Variants in KCNA3 observed in about 807,000 individuals in gnomAD.
KCNA3 encodes RP11-284N8.3.
A neutral mutation model predicts 34.3 loss-of-function variants in KCNA3; 18 were observed. That is an observed-to-expected ratio of 0.52 (90% CI 0.36 to 0.78). The LOEUF (loss-of-function observed/expected upper bound fraction) is 0.78, where lower values mean the gene tolerates loss of function less well. Ranked by LOEUF, KCNA3 falls within the 30% of genes least tolerant of loss-of-function variation. The pLI, the probability that KCNA3 is intolerant of heterozygous loss-of-function variation, is 0.00. For synonymous variants in KCNA3, 324 were observed against 351.7 expected (o/e 0.92, Z 0.88); for missense variants, 587 against 802.5 (o/e 0.73, Z 3.24).
At chr1:110,661,773 G>A in the KCNA3 span, among the ~76,000 whole-genome samples, 2 of 152,046 alleles carry the variant, frequency 1.3e-5, no homozygotes, top group African/African-American at 4.8e-5. Flanking sequence ...GGAGGGGGTG[G>A]TAATTCAACG....
Position 110,673,055 on chromosome 1 carries a change from A to C in KCNA3, c.*27T>G. On this transcript the variant is annotated 3_prime_UTR_variant, in exon 1 of 1. Coordinates refer to ENST00000369769, the MANE Select transcript of KCNA3 (RefSeq NM_002232.5). This position sits in a 1 kb window ranked among gnomAD's most constrained non-coding sequence, Gnocchi z 8.8. The stretch of plus-strand genomic sequence containing the variant: ...AGGGGGCACGTTCCACACAATACTG[A>C]GCACAGCATGTCACTTGTATCACAT... 6.3e-7 allele frequency: 1 copy of C among 1,584,192 alleles called. No individual in the cohort carries two copies. Among genetic ancestry groups the C allele is most frequent in the Non-Finnish European group, 8.6e-7 (1 of 1,163,948 alleles).
In KCNA3 at chr1:110,673,755, C is replaced by T; in HGVS notation, c.1055G>A (p.Gly352Asp). 1.9e-6 allele frequency: 3 copies of T among 1,614,136 alleles called. No homozygotes were observed. The highest frequency in any genetic ancestry group is 2.2e-5 in the South Asian group (2 of 91,076). The change falls in exon 1 of 1, where the codon GGC becomes GAC. Residue 352 changes from glycine (G) to aspartate (D), a missense_variant. By Grantham distance (94) the Gly-to-Asp change is moderately conservative (BLOSUM62 -1). This residue lies in a region of KCNA3 where 84 missense variants were observed against 223.1 expected (regional missense o/e 0.38). Coordinates refer to ENST00000369769, the MANE Select transcript of KCNA3 (RefSeq NM_002232.5). This position sits in a 1 kb window ranked among gnomAD's most constrained non-coding sequence, Gnocchi z 8.8. ...CAGAGACATGGCCTGCTGTCCATTG[C>T]CCTGTCGTTCGGCCAGCTCGGTACC... ...TLGTELAERQGNGQQAMSLAI... is the reference protein window; with the variant it reads ...TLGTELAERQDNGQQAMSLAI...
chr1:110,661,062 AGCTATAAACCCAGAT>A, the KCNA3 span, among the ~76,000 whole-genome samples: 1 of 152,240 alleles, frequency 6.6e-6, no homozygotes, highest in Non-Finnish European at 1.5e-5. Flanking sequence ...AAATAAACCC[AGCTATAAACCCAGAT>A]GCTATAAACC....
chr1:110,653,988 T>G, the KCNA3 span: 1 of 152,198 alleles, frequency 6.6e-6, no homozygotes, highest in African/African-American at 2.4e-5. Flanking sequence ...CACAGTAACA[T>G]TGCATTGCTA....
At position 110,674,167 on chromosome 1, in the gene KCNA3, C is replaced by G. The variant is rs768152580; in HGVS notation, c.643G>C (p.Asp215His). The G allele has an allele frequency of 9.9e-6, 16 of 1,611,902 alleles. No individual in the cohort carries two copies. Among genetic ancestry groups the G allele is most frequent in the Non-Finnish European group, 1.4e-5 (16 of 1,178,786 alleles). ...REEERPLPRR[D>H]FQRQVWLLFE... ...AGCAGCCACACCTGGCGCTGGAAGT[C>G]GCGGCGGGGCAAGGGCCGCTCCTCC... The change falls in exon 1 of 1, where the codon GAC becomes CAC. Residue 215 changes from aspartate to histidine, a missense_variant. Around this residue, in one of 7 missense-constraint regions of KCNA3, gnomAD observed 341 missense variants for 355.4 expected, o/e 0.96. Transcript: ENST00000369769. This position sits in a 1 kb window ranked among gnomAD's most constrained non-coding sequence, Gnocchi z 6.4.
downstream of KCNA3, among the ~76,000 whole-genome samples, chr1:110,671,484 G>A (rs12408917): frequency 5.3e-5 from 8 of 152,142 alleles, no homozygotes; most frequent in Admixed American, 5.2e-4. Flanking sequence ...ACCTGATTCT[G>A]TCTGTCTTCT....
the KCNA3 span, among the ~76,000 whole-genome samples, chr1:110,662,665 C>T: frequency 6.6e-6 from 1 of 152,054 alleles, no homozygotes; most frequent in East Asian, 1.9e-4. Flanking sequence ...TCTCAGCAAG[C>T]AAAAACCTTT....
chr1:110,660,717 G>A, the KCNA3 span, among the ~76,000 whole-genome samples: 21 of 152,128 alleles, frequency 1.4e-4, no homozygotes, highest in Non-Finnish European at 2.4e-4. Context: ...ACCAGGACAA[G>A]AAATAAAGGT....
chr1:110,658,404 GA>G, the KCNA3 span, among the ~76,000 whole-genome samples: 1 of 152,004 alleles, frequency 6.6e-6, no homozygotes, highest in African/African-American at 2.4e-5. Context: ...GGTATATTTT[GA>G]AACTAAAATA....
At position 110,673,488 on chromosome 1, in the gene KCNA3, G is replaced by T. The variant is rs1178247805; in HGVS notation, c.1322C>A (p.Thr441Asn). The T allele has an allele frequency of 6.2e-7, 1 of 1,614,162 alleles. No homozygotes were observed. The highest frequency in any genetic ancestry group is 1.1e-5 in the South Asian group (1 of 91,084). ...IPDAFWWAVV[T>N]MTTVGYGDMH... Reference sequence around the variant, plus strand: ...ATCGCCGTAACCCACTGTTGTCATGGTTACCACTGCCCACCAGAAGGCATC... The same window carrying T: ...ATCGCCGTAACCCACTGTTGTCATGTTTACCACTGCCCACCAGAAGGCATC... Residue 441 changes from threonine to asparagine, a missense_variant, in exon 1 of 1, where the codon ACC (threonine) becomes AAC (asparagine). Thr to Asn is a moderately conservative substitution (Grantham distance 65). Transcript: ENST00000369769. The surrounding 1 kb of genome is among the most constrained non-coding windows in gnomAD (Gnocchi z 8.8).
chr1:110,657,237 G>A, the KCNA3 span, among the ~76,000 whole-genome samples: 2 of 151,858 alleles, frequency 1.3e-5, no homozygotes, highest in African/African-American at 4.8e-5. Context: ...AGTGGAGTTG[G>A]GGTTTCACTA....
chr1:110,655,451 A>G, the KCNA3 span: 1 of 152,010 alleles, frequency 6.6e-6, no homozygotes, highest in African/African-American at 2.4e-5. Context: ...CAGTTCACAA[A>G]TTGTTGTAAG....
downstream of KCNA3, among the ~76,000 whole-genome samples, chr1:110,669,058 C>T (rs967000528): frequency 6.6e-6 from 1 of 152,140 alleles, no homozygotes; most frequent in Non-Finnish European, 1.5e-5. Context: ...CCTTAAAGAT[C>T]CATGGAGTGG....
chr1:110,664,792 G>A, the KCNA3 span, among the ~76,000 whole-genome samples: 1 of 152,186 alleles, frequency 6.6e-6, no homozygotes, highest in Non-Finnish European at 1.5e-5. Flanking sequence ...AAAATAAGAA[G>A]AGAAAGGATA....
At chr1:110,665,667 C>A in the KCNA3 span, among the ~76,000 whole-genome samples, 1 of 151,978 alleles carries the variant, frequency 6.6e-6, no homozygotes, top group African/African-American at 2.4e-5. Context: ...TAATTTAAAG[C>A]TATGAGAATA....
chr1:110,669,714 A>T (rs1461165150), downstream of KCNA3, among the ~76,000 whole-genome samples: 1 of 152,208 alleles, frequency 6.6e-6, no homozygotes, highest in African/African-American at 2.4e-5. Flanking sequence ...TAGGGAAATC[A>T]CTTAACTTTA....
chr1:110,656,670 G>C, the KCNA3 span: 5 of 152,220 alleles, frequency 3.3e-5, no homozygotes, highest in African/African-American at 1.2e-4. Context: ...GGAGTCAAGA[G>C]ATCATAAGGC....
chr1:110,674,611 C>T lies in KCNA3; in HGVS notation c.199G>A (p.Ala67Thr), dbSNP rs755311629. 31 of 1,562,934 alleles carry T rather than the reference C, an allele frequency of 2.0e-5. No individual in the cohort carries two copies. In the South Asian group the frequency reaches 3.3e-4, roughly 17 times the overall value. The part of the protein sequence containing the change: ...PGDHLLEPEV[A>T]DGGGAPPQGG... Reference sequence around the variant, plus strand: ...TGAGGCGGGGCCCCTCCACCATCGGCCACCTCCGGCTCCAGCAGGTGGTCC... The same window carrying T: ...TGAGGCGGGGCCCCTCCACCATCGGTCACCTCCGGCTCCAGCAGGTGGTCC... Residue 67 changes from alanine to threonine, a missense_variant, in exon 1 of 1, where the codon GCC becomes ACC. Coordinates refer to ENST00000369769, the MANE Select transcript of KCNA3 (RefSeq NM_002232.5). The surrounding 1 kb of genome is among the most constrained non-coding windows in gnomAD (Gnocchi z 6.4).
chr1:110,674,081 G>T lies in KCNA3; in HGVS notation c.729C>A (p.Val243=). 6.2e-7 allele frequency: 1 copy of T among 1,608,990 alleles called. No homozygotes were observed. The highest frequency in any genetic ancestry group is 8.5e-7 in the Non-Finnish European group (1 of 1,177,530). The change falls in exon 1 of 1, where the codon GTC becomes GTA. Residue 243 remains valine, a synonymous_variant. Coordinates refer to ENST00000369769, the MANE Select transcript of KCNA3 (RefSeq NM_002232.5). The surrounding 1 kb of genome is among the most constrained non-coding windows in gnomAD (Gnocchi z 6.4). ...ARGIAIVSVL[V]ILISIVIFCL... is the part of the protein sequence containing the mutation. ...AGAAGATGACAATGGAGATGAGGAT[G>T]ACCAGCACGGACACGATGGCGATGC...
Sources: allele counts gnomAD v4.1 joint callset (sites outside exome capture counted in the v4.1 genomes callset), GRCh38; gene constraint gnomAD v4.1.1; regional missense constraint gnomAD v4.1.1; non-coding constraint Gnocchi (gnomAD v3.1); transcripts MANE v1.5; gene names NCBI Gene and HGNC (gene_info 2026-07-23, HGNC 2026-07-21).